The following CFAP251 variants were observed in gnomAD, a reference collection of about 807,000 sequenced individuals.
The protein encoded by CFAP251 is cilia- and flagella-associated protein 251.
CFAP251 carries 93 observed loss-of-function variants against 126.7 expected under a neutral mutation model. The ratio of observed to expected loss-of-function variants is 0.73; its 90% CI spans 0.62 to 0.87. The LOEUF is 0.87. Ranked by LOEUF, CFAP251 falls within the 40% of genes least tolerant of loss-of-function variation. The pLI, the probability that CFAP251 is intolerant of heterozygous loss-of-function variation, is 0.00. For missense variants in CFAP251, 1,287 were observed against 1,389.2 expected, an observed-to-expected ratio of 0.93 and a Z score of 1.17; for synonymous variants, 503 against 506.9, an observed-to-expected ratio of 0.99 and a Z score of 0.10.
chr12:121,996,598 A>G (rs1295798945), intron 19 of CFAP251, among the ~76,000 whole-genome samples: 1 of 152,140 alleles, frequency 6.6e-6, no homozygotes, highest in African/African-American at 2.4e-5. Context: ...GCATGTCAGC[A>G]CCCTTTTCTC....
At chr12:121,951,605 C>T (rs370866873) in intron 9 of CFAP251, 75 bp downstream of exon 9, 64 of 1,140,876 alleles carry the variant, frequency 5.6e-5, no homozygotes, top group African/African-American at 1.1e-4. Context: ...TTAGCTGCTT[C>T]GGGCTACTCT....
At chr12:121,952,822 G>C (rs1282800215) in intron 9 of CFAP251, 2 of 152,182 alleles carry the variant, frequency 1.3e-5, no homozygotes, top group African/African-American at 4.8e-5. Flanking sequence ...TCTGTCTGCA[G>C]ACTTGTTTTT....
chr12:121,977,815 C>T (rs981357007), intron 19 of CFAP251, among the ~76,000 whole-genome samples: 16 of 147,550 alleles, frequency 1.1e-4, no homozygotes, highest in Non-Finnish European at 2.1e-4. Context: ...AAAAATTAGC[C>T]GGGCGTGGTG....
intron 5 of CFAP251, 44 bp from the exon 6 acceptor site, chr12:121,942,490 A>C: frequency 6.8e-7 from 1 of 1,464,518 alleles, no homozygotes; most frequent in African/African-American, 1.4e-5. Flanking sequence ...CTGGGAAGCC[A>C]GGGAGACCTC....
At chr12:121,950,004 A>G (rs1004582560) in intron 8 of CFAP251, 1 of 152,262 alleles carries the variant, frequency 6.6e-6, no homozygotes, top group Non-Finnish European at 1.5e-5. Context: ...GAAGCATTCA[A>G]ACAAATACTT....
intron 19 of CFAP251, chr12:121,999,340 C>T (rs1883096551): frequency 1.3e-5 from 2 of 154,054 alleles, no homozygotes; most frequent in South Asian, 4.1e-4. Context: ...TTCCTTTTTC[C>T]TCTATTTTTG....
At chr12:121,919,125 T>TTTTA (rs1555215090) in intron 1 of CFAP251, among the ~76,000 whole-genome samples, 2,489 of 79,594 alleles carry the variant, frequency 0.031, 60 homozygotes, top group African/African-American at 0.16. Context: ...TCATTATTTA[T>TTTTA]TTATTATTAT....
intron 5 of CFAP251, among the ~76,000 whole-genome samples, chr12:121,940,106 C>T (rs763975224): frequency 1.5e-4 from 23 of 152,092 alleles, no homozygotes; most frequent in Non-Finnish European, 3.4e-4. Flanking sequence ...AATTTAAAAT[C>T]ACAAGTCTAA....
intron 15 of CFAP251, among the ~76,000 whole-genome samples, chr12:121,966,151 C>CCCCTCCCCTACCCTCCCCTT (rs1882115477): frequency 8.3e-5 from 1 of 12,092 alleles, no homozygotes; most frequent in Non-Finnish European, 2.5e-4. Flanking sequence ...TCCCTTCCCT[C>CCCCTCCCCTACCCTCCCCTT]CCCTCCCCTC....
chr12:121,969,758 T>A (rs1196295962), intron 17 of CFAP251: 2 of 984,992 alleles, frequency 2.0e-6, no homozygotes, highest in Non-Finnish European at 2.4e-6. Context: ...ATTACAGATG[T>A]GAGCCACTGC....
At chr12:121,951,256 A>G (rs1881513844) in intron 8 of CFAP251, 2 of 403,980 alleles carry the variant, frequency 5.0e-6, no homozygotes, top group Non-Finnish European at 9.0e-6. Flanking sequence ...CATCTCAAGA[A>G]AAAAAAAGTC....
intron 21 of CFAP251, among the ~76,000 whole-genome samples, chr12:122,003,221 G>T (rs1157676570): frequency 2.0e-5 from 3 of 152,120 alleles, no homozygotes; most frequent in Admixed American, 6.5e-5. Context: ...ACAGCACAAA[G>T]CCCCTCTTGT....
At chr12:121,991,340 C>T (rs1399121641) in intron 19 of CFAP251, among the ~76,000 whole-genome samples, 1 of 152,194 alleles carries the variant, frequency 6.6e-6, no homozygotes, top group Non-Finnish European at 1.5e-5. Context: ...CCGCAGCTGC[C>T]ACCCATTATT....
At chr12:121,922,497 T>C (rs1016358657) in intron 2 of CFAP251, among the ~76,000 whole-genome samples, 2 of 152,084 alleles carry the variant, frequency 1.3e-5, no homozygotes, top group Non-Finnish European at 2.9e-5. Context: ...GCCTCTTAAC[T>C]CAGTTTGGAG....
intron 5 of CFAP251, 25 bp downstream of exon 5, chr12:121,934,381 T>C: frequency 1.3e-6 from 2 of 1,563,134 alleles, no homozygotes; most frequent in Non-Finnish European, 8.8e-7. Flanking sequence ...GCCACTTCTT[T>C]TTTCCCTGAA....
chr12:121,930,217 C>T lies in CFAP251; in HGVS notation c.748-1529C>T, dbSNP rs115804471. Among the ~76,000 whole-genome samples the T allele has an allele frequency of 1.0e-3, 152 of 152,086 alleles. 3 individuals carry two copies. In the East Asian group the frequency reaches 0.017, roughly 17 times the overall value. On this transcript the variant is annotated intron_variant, in intron 3 of 21. Transcript: ENST00000288912. ...TTAAAAAATACTTTGAGCTGGGCGC[C>T]GTTGCCCACTGCTGTAATTCCAGCA...
chr12:121,958,519 G>A lies in CFAP251; in HGVS notation c.1978G>A (p.Glu660Lys), dbSNP rs1350194629. Residue 660 changes from glutamate (E) to lysine (K), a missense_variant, in exon 12 of 22, where the codon GAA (glutamate) becomes AAA (lysine). Glu to Lys is a moderately conservative substitution (Grantham distance 56, BLOSUM62 1). Transcript: ENST00000288912. Reference sequence around the variant, plus strand: ...AGTCCAGAGTCTGACCTACAACCCCGAAGGTATTTTCATCTTATCAGCCTA... The same window carrying A: ...AGTCCAGAGTCTGACCTACAACCCCAAAGGTATTTTCATCTTATCAGCCTA... ...LGVQSLTYNP[E>K]GALLGAGFTE... is the part of the protein sequence containing the mutation. 6.2e-7 allele frequency: 1 copy of A among 1,614,180 alleles called. No homozygotes were observed. The highest frequency in any genetic ancestry group is 1.1e-5 in the South Asian group (1 of 91,074).
rs537725625 is a variant in CFAP251 at position 121,989,599 on chromosome 12, G to A, written c.3007-10117G>A. Among the ~76,000 whole-genome samples, 8 of 152,330 alleles carry A rather than the reference G, an allele frequency of 5.3e-5. No homozygotes were observed. In the East Asian group the frequency reaches 1.4e-3, roughly 26 times the overall value. On this transcript the variant is annotated intron_variant, in intron 19 of 21. Coordinates refer to ENST00000288912, the MANE Select transcript of CFAP251 (RefSeq NM_144668.6). This position sits in a 1 kb window ranked among gnomAD's most constrained non-coding sequence, Gnocchi z 4.2. ...CCACTACTCCCTGCCCCGGGTCAGC[G>A]AGGAGATGCAGGGGGTGACCAGGGG...
chr12:121,926,651 CTA>C (rs1166973268), intron 3 of CFAP251, among the ~76,000 whole-genome samples: 1 of 151,978 alleles, frequency 6.6e-6, no homozygotes, highest in Non-Finnish European at 1.5e-5. Flanking sequence ...TTTGTTAAAA[CTA>C]TTCAGTGTTG....
Sources: allele counts gnomAD v4.1 joint callset (sites outside exome capture counted in the v4.1 genomes callset), GRCh38; gene constraint gnomAD v4.1.1; non-coding constraint Gnocchi (gnomAD v3.1); transcripts MANE v1.5; gene names NCBI Gene and HGNC (gene_info 2026-07-23, HGNC 2026-07-21).